Variants in PPP1R9A observed in about 807,000 individuals in gnomAD.
PPP1R9A encodes protein phosphatase 1 regulatory subunit 9A.
In PPP1R9A, 59 loss-of-function variants were observed where a neutral mutation model predicts 141.9. The observed-to-expected ratio is 0.42, with a 90% CI of 0.34 to 0.52. The LOEUF (loss-of-function observed/expected upper bound fraction) is 0.52. Among genes scored for constraint, PPP1R9A ranks in the 20% least tolerant of loss-of-function variants. The probability of loss-of-function intolerance (pLI) is 0.10; values close to 1 mark genes in which losing one functional copy is unlikely to be tolerated. For missense variants in PPP1R9A, 1,444 were observed against 1,611.9 expected, an observed-to-expected ratio of 0.90 and a Z score of 1.78; for synonymous variants, 500 against 569.7, an observed-to-expected ratio of 0.88 and a Z score of 1.74.
In PPP1R9A at chr7:95,080,950, G is replaced by A. The variant is rs186253964; in HGVS notation, c.1396-30309G>A. Among the ~76,000 whole-genome samples, 294 of 152,310 alleles carry A rather than the reference G, an allele frequency of 1.9e-3. 2 individuals are homozygous for A. Among genetic ancestry groups the A allele is most frequent in the African/African-American group, 6.6e-3 (275 of 41,574 alleles). On this transcript the variant is annotated intron_variant, in intron 2 of 19. Transcript: ENST00000433360. Reference sequence around the variant, plus strand: ...ACTATTTTTCCATATGGGGTAAGATGTCAATTAAAACATTATCAGGCAGGT... The same window carrying A: ...ACTATTTTTCCATATGGGGTAAGATATCAATTAAAACATTATCAGGCAGGT...
At chr7:95,189,289 CT>C (rs1835115756) in intron 5 of PPP1R9A, among the ~76,000 whole-genome samples, 1 of 152,002 alleles carries the variant, frequency 6.6e-6, no homozygotes, top group Non-Finnish European at 1.5e-5. Context: ...GATCTTTTTG[CT>C]GGTGGTCATC....
intron 4 of PPP1R9A, among the ~76,000 whole-genome samples, chr7:95,144,199 G>C (rs1436283130): frequency 6.6e-6 from 1 of 151,986 alleles, no homozygotes; most frequent in Non-Finnish European, 1.5e-5. Flanking sequence ...CTCTGTTTTT[G>C]TGTGTTTGAC....
intron 5 of PPP1R9A, among the ~76,000 whole-genome samples, chr7:95,183,936 C>T (rs1184838301): frequency 6.6e-6 from 1 of 151,854 alleles, no homozygotes; most frequent in Admixed American, 6.6e-5. Flanking sequence ...TGGCCAGATC[C>T]AGCTTTCAAA....
chr7:94,965,435 G>C (rs1185248758), intron 2 of PPP1R9A, among the ~76,000 whole-genome samples: 1 of 151,996 alleles, frequency 6.6e-6, no homozygotes, highest in African/African-American at 2.4e-5. Flanking sequence ...TTTTCTTCTA[G>C]GGTTTTTATG....
intron 2 of PPP1R9A, among the ~76,000 whole-genome samples, chr7:95,080,883 A>G (rs1815709895): frequency 1.3e-5 from 2 of 152,214 alleles, no homozygotes; most frequent in Non-Finnish European, 2.9e-5. Flanking sequence ...AGAGATTTAT[A>G]TGAGATAAAG....
chr7:95,019,176 C>T (rs910551215), intron 2 of PPP1R9A, among the ~76,000 whole-genome samples: 15 of 152,178 alleles, frequency 9.9e-5, no homozygotes, highest in African/African-American at 3.6e-4. Context: ...AGGCAGATCA[C>T]TTGAGGTTAG....
At chr7:94,931,808 C>A (rs1055357298) in intron 2 of PPP1R9A, among the ~76,000 whole-genome samples, 3 of 152,178 alleles carry the variant, frequency 2.0e-5, no homozygotes, top group African/African-American at 7.2e-5. Context: ...GAACTGCCGA[C>A]CTCAGGTCAT....
chr7:95,289,784 C>T (rs1379212162), intron 19 of PPP1R9A, among the ~76,000 whole-genome samples: 2 of 152,156 alleles, frequency 1.3e-5, no homozygotes, highest in Admixed American at 1.3e-4. Flanking sequence ...CCGTAAATGC[C>T]TACAGCCCAA....
intron 2 of PPP1R9A, among the ~76,000 whole-genome samples, chr7:94,979,999 A>G (rs1799895389): frequency 6.6e-6 from 1 of 152,100 alleles, no homozygotes; most frequent in African/African-American, 2.4e-5. Context: ...AATTGGTATA[A>G]TTGTCTAGAC....
At chr7:95,244,179 C>T (rs1797813684) in intron 8 of PPP1R9A, among the ~76,000 whole-genome samples, 1 of 152,166 alleles carries the variant, frequency 6.6e-6, no homozygotes, top group East Asian at 1.9e-4. Context: ...TACTTAGTAA[C>T]ACTCCAAACT....
intron 5 of PPP1R9A, among the ~76,000 whole-genome samples, chr7:95,163,717 T>G (rs1458493923): frequency 6.6e-6 from 1 of 151,290 alleles, no homozygotes; most frequent in East Asian, 1.9e-4. Context: ...TGTGCAGGGG[T>G]TTTTTTTGTT....
chr7:95,051,843 A>T (rs929919297), intron 2 of PPP1R9A, among the ~76,000 whole-genome samples: 2 of 137,498 alleles, frequency 1.5e-5, no homozygotes, highest in Admixed American at 7.3e-5. Context: ...TTTTATTTTA[A>T]TTTTTTTTTT....
chr7:95,063,241 G>A (rs1812485739), intron 2 of PPP1R9A, among the ~76,000 whole-genome samples: 1 of 152,132 alleles, frequency 6.6e-6, no homozygotes, highest in South Asian at 2.1e-4. Flanking sequence ...AATCTTGTGT[G>A]ACCCTGTATA....
chr7:95,132,855 A>T (rs1018618809), intron 4 of PPP1R9A, among the ~76,000 whole-genome samples: 2 of 152,272 alleles, frequency 1.3e-5, no homozygotes, highest in Middle Eastern at 6.8e-3. Context: ...AGAAACTCAG[A>T]GGTGCCAGCA....
At chr7:95,140,606 G>A (rs1826486165) in intron 4 of PPP1R9A, among the ~76,000 whole-genome samples, 1 of 152,174 alleles carries the variant, frequency 6.6e-6, no homozygotes, top group Non-Finnish European at 1.5e-5. Context: ...GGCCAGGCTG[G>A]TCTTGAATTC....
intron 2 of PPP1R9A, among the ~76,000 whole-genome samples, chr7:95,037,823 G>A (rs1234391713): frequency 6.6e-6 from 1 of 152,084 alleles, no homozygotes; most frequent in Non-Finnish European, 1.5e-5. Flanking sequence ...TGTTAATCTT[G>A]GCTAGGTGTG....
intron 16 of PPP1R9A, among the ~76,000 whole-genome samples, chr7:95,278,933 A>T (rs1251160174): frequency 6.6e-6 from 1 of 151,874 alleles, no homozygotes; most frequent in Non-Finnish European, 1.5e-5. Context: ...ACACACACAC[A>T]CCCGCCCCTC....
At chr7:95,064,627 A>G (rs1812706583) in intron 2 of PPP1R9A, among the ~76,000 whole-genome samples, 1 of 152,214 alleles carries the variant, frequency 6.6e-6, no homozygotes, top group Non-Finnish European at 1.5e-5. Context: ...AGTTTTTGTC[A>G]CTCTGACCTG....
At chr7:94,970,566 T>G (rs1798749763) in intron 2 of PPP1R9A, among the ~76,000 whole-genome samples, 1 of 152,086 alleles carries the variant, frequency 6.6e-6, no homozygotes, top group African/African-American at 2.4e-5. Flanking sequence ...ATCACCCATC[T>G]TCTGTGTTGA....
Sources: gnomAD v4.1 joint callset for allele counts (sites outside exome capture counted in the v4.1 genomes callset) on GRCh38, gnomAD v4.1.1 for gene constraint, MANE v1.5 for transcripts, NCBI Gene and HGNC (gene_info 2026-07-23, HGNC 2026-07-21) for gene names.